ROS1: variants seen among roughly 807,000 people sequenced by gnomAD.
ROS1 encodes the protein proto-oncogene tyrosine-protein kinase ROS.
ROS1 carries 263 observed loss-of-function variants against 273.5 expected under a neutral mutation model. The ratio of observed to expected loss-of-function variants is 0.96; its 90% confidence interval spans 0.87 to 1.06. The LOEUF (loss-of-function observed/expected upper bound fraction) is 1.06, where lower values mean the gene tolerates loss of function less well. Ranked by LOEUF, ROS1 falls within the 50% of genes least tolerant of loss-of-function variation. The probability of loss-of-function intolerance (pLI) is 0.00; values close to 1 mark genes in which losing one functional copy is unlikely to be tolerated. For synonymous variants in ROS1, 1,008 were observed against 954.1 expected (o/e 1.06, Z -1.04); for missense variants, 2,833 against 2,751.1 (o/e 1.03, Z -0.67).
intron 39 of ROS1, among the ~76,000 whole-genome samples, chr6:117,312,204 T>C (rs1775598494): frequency 1.3e-5 from 2 of 152,138 alleles, no homozygotes; most frequent in South Asian, 4.1e-4. Flanking sequence ...TTTTTTCTCC[T>C]GGAATGTGCT....
chr6:117,362,664 G>C lies in ROS1; in HGVS notation c.3305C>G (p.Thr1102Ser), dbSNP rs992780681. 1 of 1,613,174 alleles carries C rather than the reference G, an allele frequency of 6.2e-7. No individual in the cohort carries two copies. Among genetic ancestry groups the C allele is most frequent in the African/African-American group, 1.3e-5 (1 of 74,882 alleles). The change falls in exon 22 of 44, where the codon ACT becomes AGT. Residue 1102 changes from threonine (T) to serine (S), a missense_variant. Thr to Ser is a moderately conservative substitution (Grantham distance 58, BLOSUM62 1). Transcript: ENST00000368507. ...TCEDWIAVNV[T>S]PSVMSFQLEG... ...AAGTTGAAAAGACATCACTGAGGGA[G>C]TGACATTGACAGCAATCCAGTCTTC...
In ROS1 at chr6:117,403,142, C is replaced by T; in HGVS notation, c.601G>A (p.Gly201Arg). Residue 201 changes from glycine (G) to arginine (R), a missense_variant, in exon 7 of 44, where the codon GGA (glycine) becomes AGA (arginine). Physicochemically the swap from Gly to Arg is moderately radical, Grantham distance 125. Coordinates refer to ENST00000368507, the MANE Select transcript of ROS1 (RefSeq NM_001378902.1). ...AAGAAATGTGTGCACACCATACCTC[C>T]ATGAGGATGAGTCCTGTAACTGGGA... ...PSPSYRTHPH[G>R]VPETAPLIRN... 2 of 1,613,918 alleles carry T rather than the reference C, an allele frequency of 1.2e-6. No individual in the cohort carries two copies. Among genetic ancestry groups the T allele is most frequent in the Non-Finnish European group, 1.7e-6 (2 of 1,179,938 alleles).
chr6:117,403,879 AC>A (rs35451489), intron 6 of ROS1, among the ~76,000 whole-genome samples: 44,118 of 152,076 alleles, frequency 0.29, 7,387 homozygotes, highest in African/African-American at 0.46. Flanking sequence ...GAACCCAACT[AC>A]CCATCTTACA....
At chr6:117,333,561 C>A (rs1264702401) in intron 32 of ROS1, among the ~76,000 whole-genome samples, 1 of 152,028 alleles carries the variant, frequency 6.6e-6, no homozygotes, top group Non-Finnish European at 1.5e-5. Flanking sequence ...GCCAATATAC[C>A]TGATGAACAT....
intron 42 of ROS1, among the ~76,000 whole-genome samples, chr6:117,306,188 A>G (rs1775089337): frequency 6.6e-6 from 1 of 152,174 alleles, no homozygotes; most frequent in Admixed American, 6.6e-5. Context: ...AAGTTTCTAC[A>G]GGTATTTAAA....
Position 117,389,497 on chromosome 6 carries a change from C to A in ROS1, c.1639G>T (p.Glu547Ter). 1 of 1,614,210 alleles carries A rather than the reference C, an allele frequency of 6.2e-7. No homozygotes were observed. Among genetic ancestry groups the A allele is most frequent in the East Asian group, 2.2e-5 (1 of 44,884 alleles). ...ACCAAGTTACCAAACCCAAATTCTT[C>A]TATGTGACTCAGGTCACATCCCACG... is the stretch of plus-strand genomic sequence containing the variant. ...FIVGCDLSHI[E>*]EFGFGNLVIF... The change falls in exon 13 of 44, where the codon GAA becomes TAA. Residue 547 changes from glutamate to a stop codon, truncating the protein, a stop_gained. Coordinates refer to ENST00000368507, the MANE Select transcript of ROS1 (RefSeq NM_001378902.1). LOFTEE classifies it high-confidence loss of function.
intron 18 of ROS1, among the ~76,000 whole-genome samples, chr6:117,374,864 A>G (rs983952541): frequency 6.6e-6 from 1 of 152,258 alleles, no homozygotes; most frequent in Non-Finnish European, 1.5e-5. Context: ...AATGTAAACT[A>G]GTACAACCAC....
At chr6:117,412,654 T>G (rs996142885) in intron 4 of ROS1, among the ~76,000 whole-genome samples, 4 of 151,896 alleles carry the variant, frequency 2.6e-5, no homozygotes, top group Admixed American at 2.0e-4. Flanking sequence ...CATGTATTCC[T>G]GTTCAGTTCT....
intron 3 of ROS1, 97 bp from the exon 4 acceptor site, chr6:117,414,642 C>T (rs150102703): frequency 1.7e-6 from 1 of 597,632 alleles, no homozygotes; most frequent in African/African-American, 1.9e-5. Context: ...AATTTATTGC[C>T]CCACCATTGA....
intron 32 of ROS1, among the ~76,000 whole-genome samples, chr6:117,335,472 A>G (rs1301958357): frequency 5.9e-5 from 9 of 152,226 alleles, no homozygotes; most frequent in Admixed American, 5.9e-4. Context: ...CATTTGACCC[A>G]GTAATCTCAT....
intron 14 of ROS1, among the ~76,000 whole-genome samples, 192 bp downstream of exon 14, chr6:117,387,588 A>G (rs1361276637): frequency 6.6e-6 from 1 of 152,216 alleles, no homozygotes; most frequent in Admixed American, 6.5e-5. Flanking sequence ...TAAATATCAC[A>G]CAGTGCTTTA....
At chr6:117,289,554 A>G (rs976932337) in intron 43 of ROS1, among the ~76,000 whole-genome samples, 22 of 152,212 alleles carry the variant, frequency 1.4e-4, no homozygotes, top group African/African-American at 5.3e-4. Context: ...ATTTTATAAG[A>G]ACGTATGAAC....
rs376145172 is a variant in ROS1 at position 117,310,200 on chromosome 6, G to T, written c.6297C>A (p.Leu2099=). Residue 2099 remains leucine (L), a synonymous_variant, in exon 41 of 44, where the codon CTC becomes CTA. Transcript: ENST00000368507. ...AATCATTTTTATAGATGTCTCTGGC[G>T]AGTCCAAAGTCTCCAATCTTCACTA... ...PRIVKIGDFG[L]ARDIYKNDYY... is the part of the protein sequence containing the mutation. 1.9e-6 allele frequency: 3 copies of T among 1,612,946 alleles called. No homozygotes were observed.
intron 17 of ROS1, among the ~76,000 whole-genome samples, chr6:117,382,778 C>T (rs941297670): frequency 1.4e-4 from 21 of 152,046 alleles, no homozygotes; most frequent in African/African-American, 4.8e-4. Flanking sequence ...TCCCACTCCT[C>T]ATGAATACTC....
intron 43 of ROS1, among the ~76,000 whole-genome samples, chr6:117,295,462 G>A (rs200048597): frequency 6.6e-6 from 1 of 152,116 alleles, no homozygotes; most frequent in Non-Finnish European, 1.5e-5. Context: ...CACAAGCACA[G>A]GCAGTCAAAG....
At chr6:117,380,547 T>C (rs1183507394) in intron 17 of ROS1, among the ~76,000 whole-genome samples, 1 of 152,094 alleles carries the variant, frequency 6.6e-6, no homozygotes, top group Non-Finnish European at 1.5e-5. Context: ...GTTTGGTTAT[T>C]TACAATGAGA....
At chr6:117,309,024 T>C in intron 41 of ROS1, 96 bp from the exon 42 acceptor site, 3 of 1,217,436 alleles carry the variant, frequency 2.5e-6, no homozygotes, top group Non-Finnish European at 3.5e-6. Flanking sequence ...GCTAGCAGGG[T>C]CTACTTTGTC....
rs756185420 is a variant in ROS1, at chr6:117,337,270, G to T, written c.5132C>A (p.Thr1711Lys). 1 of 1,612,496 alleles carries T rather than the reference G, an allele frequency of 6.2e-7. No homozygotes were observed. Among genetic ancestry groups the T allele is most frequent in the Non-Finnish European group, 8.5e-7 (1 of 1,178,986 alleles). ...ATATGAAGTATAAGGTTGTAGATTT[G>T]TGATATTACAGACATAAGCAGGACC... Reference protein sequence around the residue: ...SQGPAYVCNITNLQPYTSYNV... With the variant: ...SQGPAYVCNIKNLQPYTSYNV... The change falls in exon 32 of 44, where the codon ACA (threonine) becomes AAA (lysine). Residue 1711 changes from threonine (T) to lysine (K), a missense_variant. By Grantham distance (78) the Thr-to-Lys change is moderately conservative. Transcript: ENST00000368507.
intron 27 of ROS1, among the ~76,000 whole-genome samples, chr6:117,350,360 T>C (rs191565144): frequency 1.3e-5 from 2 of 152,206 alleles, no homozygotes; most frequent in East Asian, 1.9e-4. Flanking sequence ...ATAATTCTTA[T>C]CTTTGTTCCT....
Sources: allele counts gnomAD v4.1 joint callset (sites outside exome capture counted in the v4.1 genomes callset), GRCh38; gene constraint gnomAD v4.1.1; transcripts MANE v1.5; gene names NCBI Gene and HGNC (gene_info 2026-07-23, HGNC 2026-07-21).